EFTUD2: variants seen among roughly 807,000 people sequenced by gnomAD.
EFTUD2 encodes elongation factor Tu GTP binding domain containing 2.
EFTUD2 carries 9 observed loss-of-function variants against 114.3 expected under a neutral mutation model. The ratio of observed to expected loss-of-function variants is 0.08; its 90% CI spans 0.05 to 0.14. EFTUD2 has a LOEUF of 0.14. Among genes scored for constraint, EFTUD2 ranks in the 10% least tolerant of loss-of-function variants. EFTUD2 has a pLI of 1.00. For synonymous variants in EFTUD2, 449 were observed against 462.3 expected (o/e 0.97, Z 0.37); for missense variants, 765 against 1,241.2 (o/e 0.62, Z 5.76).
rs546911905 is a variant in EFTUD2 at position 44,863,714 on chromosome 17, T to C, written c.1354A>G (p.Thr452Ala). The C allele has an allele frequency of 7.4e-6, 12 of 1,614,186 alleles. No individual in the cohort carries two copies. The African/African-American group carries it at 9.3e-5, about 13-fold the overall frequency. Residue 452 changes from threonine (T) to alanine (A), a missense_variant, in exon 15 of 28, where the codon ACC becomes GCC. Thr to Ala is a moderately conservative substitution (Grantham distance 58). Transcript: ENST00000426333. ...KVGAKPKIEH[T>A]YTGGVDSDLG... ...TCGGAGTCCACACCACCGGTGTAGG[T>C]GTGCTCAATCTTGGGCTTGGCGCCC...
chr17:44,882,658 G>C (rs563989902), intron 6 of EFTUD2, among the ~76,000 whole-genome samples: 1 of 152,318 alleles, frequency 6.6e-6, no homozygotes, highest in Admixed American at 6.5e-5. Context: ...CAGCCTTAAT[G>C]CTAAAGTGTT....
rs762110282 is a variant in EFTUD2, at chr17:44,859,170, A to G, written c.1872T>C (p.Ser624=). 5.8e-5 allele frequency: 93 copies of G among 1,612,914 alleles called. No homozygotes were observed. The highest frequency in any genetic ancestry group is 7.7e-5 in the Non-Finnish European group (91 of 1,178,994). ...YPSLTTKVEE[S]GEHVILGTGE... is the part of the protein sequence containing the mutation. ...CAGTGCCCAGGATCACATGCTCGCC[A>G]GACTCCTCCACCTGAAACACAACAG... Residue 624 remains serine (S), a synonymous_variant, in exon 19 of 28, where the codon TCT becomes TCC. Coordinates refer to ENST00000426333, the MANE Select transcript of EFTUD2 (RefSeq NM_004247.4).
intron 2 of EFTUD2, among the ~76,000 whole-genome samples, chr17:44,891,106 C>T (rs2145571989): frequency 6.6e-6 from 1 of 152,202 alleles, no homozygotes; most frequent in East Asian, 1.9e-4. Context: ...CTAAAATGCA[C>T]CACTCATCAT....
At chr17:44,862,011 G>T (rs560311806) in intron 16 of EFTUD2, among the ~76,000 whole-genome samples, 3 of 152,164 alleles carry the variant, frequency 2.0e-5, no homozygotes, top group Non-Finnish European at 4.4e-5. Context: ...TGGAGTTGGG[G>T]AACAATTTCT....
At chr17:44,893,041 TGTGG>T (rs1353080906) in intron 2 of EFTUD2, among the ~76,000 whole-genome samples, 5 of 152,138 alleles carry the variant, frequency 3.3e-5, no homozygotes, top group Non-Finnish European at 5.9e-5. Flanking sequence ...GCCCCTGACC[TGTGG>T]CTCAACCTAG....
intron 12 of EFTUD2, 30 bp from the exon 13 acceptor site, chr17:44,867,927 CA>C (rs771999554): frequency 1.2e-5 from 19 of 1,547,572 alleles, no homozygotes; most frequent in African/African-American, 5.5e-5. Context: ...CTGAGTGACC[CA>C]GGGGAAAAGG....
In EFTUD2 at chr17:44,874,161, C is replaced by T. The variant is rs150325747; in HGVS notation, c.870-1591G>A. On this transcript the variant is annotated intron_variant, in intron 10 of 27. Transcript: ENST00000426333. ...GGCTCAAGTGATCCTCTTGCCTCTG[C>T]CTCCCGAGTAGCTAAGACTACAAAC... 8.9e-3 allele frequency among the ~76,000 whole-genome samples: 1,357 copies of T among 151,700 alleles called. 16 individuals carry two copies. Among genetic ancestry groups the T allele is most frequent in the African/African-American group, 0.031 (1,281 of 41,298 alleles).
In EFTUD2 at chr17:44,863,648, C is replaced by A. The variant is rs750998042; in HGVS notation, c.1413+7G>T. The A allele has an allele frequency of 3.1e-6, 5 of 1,611,908 alleles. No homozygotes were observed. The East Asian group carries it at 1.1e-4, about 36-fold the overall frequency. On this transcript the variant is annotated splice_region_variant and intron_variant, in intron 15 of 27. Transcript: ENST00000426333. Reference sequence around the variant, plus strand: ...GACCAGAGAACCGGGGAGCCACATGCCCTTACATCAGGGTCACAGTCACTC... The same window carrying A: ...GACCAGAGAACCGGGGAGCCACATGACCTTACATCAGGGTCACAGTCACTC...
rs756324747 is a variant in EFTUD2 at position 44,880,569 on chromosome 17, T to C, written c.604A>G (p.Ile202Val). The change falls in exon 8 of 28, where the codon ATC (isoleucine) becomes GTC (valine). Residue 202 changes from isoleucine (I) to valine (V), a missense_variant. Ile to Val is a conservative substitution (Grantham distance 29). Coordinates refer to ENST00000426333, the MANE Select transcript of EFTUD2 (RefSeq NM_004247.4). Reference sequence around the variant, plus strand: ...GATGTCCTACCTGGAGTGTCCATGATATTGAAGAGATAAGATTTTCCTTTG... The same window carrying C: ...GATGTCCTACCTGGAGTGTCCATGACATTGAAGAGATAAGATTTTCCTTTG... ...DTKGKSYLFN[I>V]MDTPGHVNFS... 5.6e-6 allele frequency: 9 copies of C among 1,613,420 alleles called. No homozygotes were observed. The highest frequency in any genetic ancestry group is 6.8e-6 in the Non-Finnish European group (8 of 1,179,564).
In EFTUD2 at chr17:44,863,771, T is replaced by C. The variant is rs781370570; in HGVS notation, c.1297A>G (p.Met433Val). ...FFGEFTGFVD[M>V]CVQHIPSPKV... The stretch of plus-strand genomic sequence containing the variant: ...GGAGAAGGGATATGCTGCACACACA[T>C]GTCCACAAAGCCTGTGGATGGAGAA... Residue 433 changes from methionine (M) to valine (V), a missense_variant, in exon 15 of 28, where the codon ATG becomes GTG. By Grantham distance (21) the Met-to-Val change is conservative. This residue lies in a region of EFTUD2 where 251 missense variants were observed against 357.7 expected (regional missense o/e 0.70). Transcript: ENST00000426333. The C allele has an allele frequency of 3.7e-6, 6 of 1,613,930 alleles. No homozygotes were observed. The Admixed American group carries it at 1.0e-4, about 27-fold the overall frequency.
At chr17:44,851,678 G>T (rs1320962368) in intron 27 of EFTUD2, 32 bp downstream of exon 27, 1 of 1,539,216 alleles carries the variant, frequency 6.5e-7, no homozygotes, top group African/African-American at 1.4e-5. Flanking sequence ...CTGGGGGGTT[G>T]AGGGATGGCA....
At chr17:44,867,187 G>A (rs879830456) in intron 13 of EFTUD2, among the ~76,000 whole-genome samples, 8 of 152,016 alleles carry the variant, frequency 5.3e-5, no homozygotes, top group Non-Finnish European at 8.8e-5. Flanking sequence ...TTAAATTTCC[G>A]TAACTGAAAT....
chr17:44,866,667 C>T (rs943008396), intron 13 of EFTUD2, among the ~76,000 whole-genome samples: 1 of 152,204 alleles, frequency 6.6e-6, no homozygotes, highest in Non-Finnish European at 1.5e-5. Context: ...GCCTGAGCCA[C>T]TGTGCCCAGC....
chr17:44,856,876 G>A (rs568228040), intron 20 of EFTUD2, among the ~76,000 whole-genome samples, 199 bp downstream of exon 20: 6 of 152,306 alleles, frequency 3.9e-5, no homozygotes, highest in African/African-American at 9.6e-5. Flanking sequence ...TACCCAAGGC[G>A]AATAATCCCA....
intron 9 of EFTUD2, 23 bp from the exon 10 acceptor site, chr17:44,876,123 G>T (rs923412687): frequency 1.3e-6 from 2 of 1,598,396 alleles, no homozygotes; most frequent in Non-Finnish European, 1.7e-6. Flanking sequence ...AGGCTCAGAA[G>T]GTGGTAAGAA....
chr17:44,883,931 G>A, intron 4 of EFTUD2: 1 of 579,434 alleles, frequency 1.7e-6, no homozygotes, highest in Non-Finnish European at 3.1e-6. Context: ...ATCTGTGAAT[G>A]GACTATCACG....
intron 14 of EFTUD2, 158 bp from the exon 15 acceptor site, chr17:44,863,940 G>A (rs1216221958): frequency 2.1e-6 from 2 of 940,958 alleles, no homozygotes; most frequent in Admixed American, 6.6e-5. Flanking sequence ...CCTGCTTCCT[G>A]GGAATGTGCT....
At chr17:44,888,759 T>C (rs2051221712) in intron 2 of EFTUD2, among the ~76,000 whole-genome samples, 1 of 152,150 alleles carries the variant, frequency 6.6e-6, no homozygotes, top group Non-Finnish European at 1.5e-5. Flanking sequence ...GAAGAAAGAC[T>C]GTAAGAGCAG....
chr17:44,881,723 C>A lies in EFTUD2; in HGVS notation c.493-1G>T. 1 of 1,613,978 alleles carries A rather than the reference C, an allele frequency of 6.2e-7. No individual in the cohort carries two copies. The highest frequency in any genetic ancestry group is 8.5e-7 in the Non-Finnish European group (1 of 1,179,946). ...TGAAGAGGATGTCAGTATAGCACAG[C>A]TGAAAAAAAATTAACTGTTGTTACC... On this transcript the variant is annotated splice_acceptor_variant, in intron 6 of 27. Coordinates refer to ENST00000426333, the MANE Select transcript of EFTUD2 (RefSeq NM_004247.4). LOFTEE classifies it high-confidence loss of function.
Sources: gnomAD v4.1 joint callset for allele counts (sites outside exome capture counted in the v4.1 genomes callset) on GRCh38, gnomAD v4.1.1 for gene constraint, gnomAD v4.1.1 regional missense constraint, MANE v1.5 for transcripts, NCBI Gene and HGNC (gene_info 2026-07-23, HGNC 2026-07-21) for gene names.